Variants in ANTXRL observed in about 807,000 individuals in gnomAD.
The protein encoded by ANTXRL is anthrax toxin receptor-like.
Under a neutral mutation model 75.4 loss-of-function variants are expected in ANTXRL, and 63 were observed. The observed-to-expected ratio is 0.84, with a 90% CI of 0.68 to 1.03. ANTXRL has a LOEUF of 1.03. Ranked by LOEUF, ANTXRL falls within the 50% of genes least tolerant of loss-of-function variation. The pLI is 0.00. For synonymous variants in ANTXRL, 335 were observed against 291.3 expected, an observed-to-expected ratio of 1.15 and a Z score of -1.53; for missense variants, 797 against 789.4, an observed-to-expected ratio of 1.01 and a Z score of -0.12.
chr10:46,329,961 G>T lies in ANTXRL; in HGVS notation c.1773G>T (p.Arg591Ser). 6.5e-7 allele frequency: 1 copy of T among 1,535,378 alleles called. No homozygotes were observed. The highest frequency in any genetic ancestry group is 8.7e-7 in the Non-Finnish European group (1 of 1,146,622). ...GCCTCCCCCTCACCTGCTCCTCCAGGTGCCGCCTCCCCCCAGCTAGGTGCT... is the reference window on the plus strand; with the variant it reads ...GCCTCCCCCTCACCTGCTCCTCCAGTTGCCGCCTCCCCCCAGCTAGGTGCT... Reference protein sequence around the residue: ...RECLPLTCSSRCRLPPARCLR... With the variant: ...RECLPLTCSSSCRLPPARCLR... Residue 591 changes from arginine to serine, a missense_variant, in exon 17 of 17, where the codon AGG becomes AGT. Physicochemically the swap from Arg to Ser is moderately radical, Grantham distance 110. Coordinates refer to ENST00000620264, the MANE Select transcript of ANTXRL (RefSeq NM_001278688.3).
At chr10:46,315,707 T>A (rs1398659173) in intron 16 of ANTXRL, among the ~76,000 whole-genome samples, 1 of 152,222 alleles carries the variant, frequency 6.6e-6, no homozygotes, top group Admixed American at 6.5e-5. Flanking sequence ...TTGACTGGAA[T>A]GTGCTGTCGA....
chr10:46,319,637 T>C (rs1225968251), intron 16 of ANTXRL, among the ~76,000 whole-genome samples: 1 of 152,156 alleles, frequency 6.6e-6, no homozygotes, highest in African/African-American at 2.4e-5. Flanking sequence ...ATGGCCTGAT[T>C]TGTAGAGGCA....
chr10:46,305,290 G>A lies in ANTXRL; in HGVS notation c.896-1513G>A, dbSNP rs566030933. 4.6e-5 allele frequency among the ~76,000 whole-genome samples: 7 copies of A among 152,278 alleles called. No individual in the cohort carries two copies. In the South Asian group the frequency reaches 8.3e-4, roughly 18 times the overall value. On this transcript the variant is annotated intron_variant, in intron 10 of 16. Transcript: ENST00000620264. Reference sequence around the variant, plus strand: ...GAGCCTGGTTCTGGCTTCTGGAAGCGCCTGGATGCAATTTTTGACAACTGA... The same window carrying A: ...GAGCCTGGTTCTGGCTTCTGGAAGCACCTGGATGCAATTTTTGACAACTGA...
Position 46,297,921 on chromosome 10 carries a change from C to A in ANTXRL, c.735+10C>A, listed in dbSNP as rs1554959419. 6 of 1,535,750 alleles carry A rather than the reference C, an allele frequency of 3.9e-6. No individual in the cohort carries two copies. Among genetic ancestry groups the A allele is most frequent in the Non-Finnish European group, 5.2e-6 (6 of 1,146,728 alleles). On this transcript the variant is annotated intron_variant, in intron 8 of 16. Coordinates refer to ENST00000620264, the MANE Select transcript of ANTXRL (RefSeq NM_001278688.3). ...AAGCACCATTGATGCCGTGAGTGGG[C>A]AGAGGTGAGGGGCTGGGGACCTGGA...
chr10:46,307,941 C>T lies in ANTXRL; in HGVS notation c.1044+461C>T, dbSNP rs1428769675. 3.3e-5 allele frequency among the ~76,000 whole-genome samples: 5 copies of T among 152,270 alleles called. No individual in the cohort carries two copies. In the East Asian group the frequency reaches 5.8e-4, roughly 18 times the overall value. ...CCTCGCCAAGCCCTGTAGTATGTCC[C>T]CTCCTGCTGCTGAAGGGGAGGCTCT... On this transcript the variant is annotated intron_variant, in intron 12 of 16. Transcript: ENST00000620264.
At chr10:46,310,395 T>C in intron 13 of ANTXRL, 66 bp from the exon 14 acceptor site, 1 of 1,454,154 alleles carries the variant, frequency 6.9e-7, no homozygotes, top group East Asian at 2.5e-5. Flanking sequence ...CCCAGCTGTG[T>C]GCAGGGCCAA....
At chr10:46,322,268 G>A (rs1839014064) in intron 16 of ANTXRL, among the ~76,000 whole-genome samples, 1 of 152,002 alleles carries the variant, frequency 6.6e-6, no homozygotes, top group Non-Finnish European at 1.5e-5. Context: ...GACCAGCCTG[G>A]CCATATGGTG....
intron 10 of ANTXRL, among the ~76,000 whole-genome samples, chr10:46,306,591 C>T (rs1384623817): frequency 6.6e-6 from 1 of 152,140 alleles, no homozygotes; most frequent in Non-Finnish European, 1.5e-5. Flanking sequence ...TCCTTGAGAG[C>T]AGGGACTCTG....
At chr10:46,319,547 C>A (rs1554965215) in intron 16 of ANTXRL, among the ~76,000 whole-genome samples, 1 of 152,112 alleles carries the variant, frequency 6.6e-6, no homozygotes, top group Non-Finnish European at 1.5e-5. Context: ...AAGGTTCAGG[C>A]AGTCTAGGCA....
chr10:46,290,265 A>T (rs576847550), intron 1 of ANTXRL, among the ~76,000 whole-genome samples: 1 of 151,682 alleles, frequency 6.6e-6, no homozygotes, highest in East Asian at 2.0e-4. Context: ...GTTGGTCTTG[A>T]ACTCCTGACC....
intron 16 of ANTXRL, among the ~76,000 whole-genome samples, chr10:46,316,106 C>T (rs2999406): frequency 1.0e-3 from 155 of 152,238 alleles, no homozygotes; most frequent in African/African-American, 3.6e-3. Flanking sequence ...GAAACAATAT[C>T]ACTCGATCCA....
At position 46,313,741 on chromosome 10, in the gene ANTXRL, T is replaced by C. The variant is rs188932506; in HGVS notation, c.1410+425T>C. The stretch of plus-strand genomic sequence containing the variant: ...ACGCAGTCCTCCCATGGGCCATTTG[T>C]TAGGCTAAGCCATGCTTTCACTGTT... On this transcript the variant is annotated intron_variant, in intron 16 of 16. Transcript: ENST00000620264. Among the ~76,000 whole-genome samples the C allele has an allele frequency of 1.5e-3, 221 of 152,334 alleles. 2 individuals carry two copies. Among genetic ancestry groups the C allele is most frequent in the African/African-American group, 5.0e-3 (208 of 41,558 alleles).
At chr10:46,314,810 A>G (rs1452220740) in intron 16 of ANTXRL, among the ~76,000 whole-genome samples, 2 of 152,104 alleles carry the variant, frequency 1.3e-5, no homozygotes, top group Non-Finnish European at 2.9e-5. Context: ...TGGCCCAGAG[A>G]GTTGCCTAAG....
intron 2 of ANTXRL, among the ~76,000 whole-genome samples, chr10:46,293,271 CGT>C (rs141648508): frequency 7.5e-6 from 1 of 132,790 alleles, no homozygotes; most frequent in Non-Finnish European, 1.6e-5. Context: ...TATACCTGTG[CGT>C]GTGTGAGAGT....
At chr10:46,328,767 G>A (rs1322451280) in intron 16 of ANTXRL, among the ~76,000 whole-genome samples, 2 of 152,072 alleles carry the variant, frequency 1.3e-5, no homozygotes, top group Non-Finnish European at 2.9e-5. Context: ...AAGACAGGAA[G>A]AATGGACTTG....
At chr10:46,317,095 T>C (rs542651143) in intron 16 of ANTXRL, among the ~76,000 whole-genome samples, 79 of 152,330 alleles carry the variant, frequency 5.2e-4, no homozygotes, top group African/African-American at 1.9e-3. Context: ...TTTGCTTTTA[T>C]TAACTTTTCT....
chr10:46,316,830 G>C (rs1838752373), intron 16 of ANTXRL, among the ~76,000 whole-genome samples: 1 of 152,164 alleles, frequency 6.6e-6, no homozygotes, highest in South Asian at 2.1e-4. Context: ...TCTGTGTGGA[G>C]TTTGCATGTT....
chr10:46,329,188 T>C (rs1479473682), intron 16 of ANTXRL, among the ~76,000 whole-genome samples: 2 of 152,288 alleles, frequency 1.3e-5, no homozygotes, highest in East Asian at 3.9e-4. Context: ...TCTCAGCTCA[T>C]CACCCACCCA....
At chr10:46,324,663 G>C (rs146262380) in intron 16 of ANTXRL, among the ~76,000 whole-genome samples, 1 of 152,066 alleles carries the variant, frequency 6.6e-6, no homozygotes, top group Non-Finnish European at 1.5e-5. Flanking sequence ...TATAGACGCC[G>C]CACTTTTAAT....
Sources: gnomAD v4.1 joint callset for allele counts (sites outside exome capture counted in the v4.1 genomes callset) on GRCh38, gnomAD v4.1.1 for gene constraint, MANE v1.5 for transcripts, NCBI Gene and HGNC (gene_info 2026-07-23, HGNC 2026-07-21) for gene names.